CCDC171: variants seen among roughly 807,000 people sequenced by gnomAD.
The protein encoded by CCDC171 is coiled-coil domain-containing protein 171.
Under a neutral mutation model 168.2 loss-of-function variants are expected in CCDC171, and 177 were observed. That is an observed-to-expected ratio of 1.05 (90% CI 0.93 to 1.19). The LOEUF is 1.19. Ranked by LOEUF, CCDC171 falls within the 50% of genes most tolerant of loss-of-function variation. CCDC171 has a pLI of 0.00. For synonymous variants in CCDC171, 687 were observed against 540.8 expected (o/e 1.27, Z -3.75); for missense variants, 1,991 against 1,539.0 (o/e 1.29, Z -4.91).
At chr9:16,053,326 A>G (rs1833781799) in intron 1 of CCDC171, among the ~76,000 whole-genome samples, 1 of 152,162 alleles carries the variant, frequency 6.6e-6, no homozygotes, top group African/African-American at 2.4e-5. Flanking sequence ...AACTTGCAAC[A>G]TTTTCCACCT....
Position 15,779,170 on chromosome 9 carries a change from G to A in CCDC171, c.3081+20G>A. On this transcript the variant is annotated intron_variant, in intron 20 of 25. Transcript: ENST00000380701. ...CAGTCTGTAAGTATATATCATTTAG[G>A]AAACTGTTGCTTTGCTGATATATAT... 2.9e-6 allele frequency: 4 copies of A among 1,394,032 alleles called. No individual in the cohort carries two copies. Among genetic ancestry groups the A allele is most frequent in the Non-Finnish European group, 3.8e-6 (4 of 1,049,210 alleles). 86.4% of individuals were successfully genotyped at this position (1,394,032 alleles called of 1,614,324 possible). A position where few individuals can be genotyped will look rare whatever the true frequency, so the allele number is the denominator to read the frequency against.
chr9:15,925,147 A>G (rs368549308), intron 25 of CCDC171, among the ~76,000 whole-genome samples: 3 of 151,692 alleles, frequency 2.0e-5, no homozygotes, highest in Non-Finnish European at 4.4e-5. Context: ...ATCACACTAA[A>G]TAATGTGTAA....
At chr9:15,910,172 G>GCACA (rs60923477) in intron 24 of CCDC171, among the ~76,000 whole-genome samples, 74 of 150,918 alleles carry the variant, frequency 4.9e-4, no homozygotes, top group Middle Eastern at 3.4e-3. Context: ...GTATATATGT[G>GCACA]CACACACACA....
Position 15,833,103 on chromosome 9 carries a change from TC to T in CCDC171, c.3268-13598del, listed in dbSNP as rs1238434185. ...CTCTGGTTCAAGTGATTCTCCTGCC[TC>T]AGCCTCCTGAGTAGCTGGGATTACA... On this transcript the variant is annotated intron_variant, in intron 21 of 25. Transcript: ENST00000380701. Among the ~76,000 whole-genome samples the T allele has an allele frequency of 2.0e-5, 3 of 150,360 alleles. No individual in the cohort carries two copies. In the East Asian group the frequency reaches 6.0e-4, roughly 30 times the overall value.
At chr9:15,691,649 T>C (rs888882624) in intron 10 of CCDC171, among the ~76,000 whole-genome samples, 4 of 150,560 alleles carry the variant, frequency 2.7e-5, no homozygotes, top group Non-Finnish European at 4.4e-5. Flanking sequence ...GAATATATTT[T>C]ATTTAGACTT....
chr9:15,684,923 A>G lies in CCDC171; in HGVS notation c.1215+6027A>G, dbSNP rs1388444413. ...GTAGATTCATCACAGCATTTAAAGT[A>G]GTCCGTGGGTCATGTTGGGTGATGA... is the stretch of plus-strand genomic sequence containing the variant. On this transcript the variant is annotated intron_variant, in intron 10 of 25. Transcript: ENST00000380701. 2.6e-5 allele frequency among the ~76,000 whole-genome samples: 4 copies of G among 152,214 alleles called. No individual in the cohort carries two copies. The South Asian group carries it at 8.3e-4, about 32-fold the overall frequency.
intron 3 of CCDC171, among the ~76,000 whole-genome samples, chr9:16,009,958 T>A (rs1192574578): frequency 6.6e-6 from 1 of 152,204 alleles, no homozygotes; most frequent in African/African-American, 2.4e-5. Flanking sequence ...AATGTTCTTT[T>A]TATTCCAAAA....
chr9:15,664,845 C>T (rs942975987), intron 8 of CCDC171, among the ~76,000 whole-genome samples: 7 of 151,578 alleles, frequency 4.6e-5, no homozygotes, highest in Non-Finnish European at 2.9e-5. Context: ...ATTACAGGCA[C>T]GCACCACCAC....
chr9:16,016,281 T>G (rs1487517901), intron 3 of CCDC171, among the ~76,000 whole-genome samples: 1 of 152,108 alleles, frequency 6.6e-6, no homozygotes, highest in Non-Finnish European at 1.5e-5. Context: ...CAAATCCCCT[T>G]CTAGATAGAA....
chr9:16,080,102 G>A, the CCDC171 span, among the ~76,000 whole-genome samples: 1 of 152,132 alleles, frequency 6.6e-6, no homozygotes, highest in Non-Finnish European at 1.5e-5. Context: ...CTGCTCTATA[G>A]GATGGCCTCT....
At chr9:16,027,405 G>A (rs996910885) in intron 6 of CCDC171, among the ~76,000 whole-genome samples, 1 of 152,102 alleles carries the variant, frequency 6.6e-6, no homozygotes, top group Non-Finnish European at 1.5e-5. Flanking sequence ...CACTGATACA[G>A]CTGGGTGGAG....
chr9:15,764,081 A>G (rs2056594952), intron 18 of CCDC171, among the ~76,000 whole-genome samples: 1 of 152,162 alleles, frequency 6.6e-6, no homozygotes, highest in South Asian at 2.1e-4. Flanking sequence ...AGTGTGCTTG[A>G]TATTTTTAGG....
intron 24 of CCDC171, among the ~76,000 whole-genome samples, chr9:15,919,607 A>T (rs994269886): frequency 2.0e-5 from 3 of 151,628 alleles, no homozygotes; most frequent in African/African-American, 7.2e-5. Flanking sequence ...TAGAAGAAAA[A>T]TTCTATAAAA....
intron 24 of CCDC171, among the ~76,000 whole-genome samples, chr9:15,893,940 G>A (rs1820545139): frequency 6.6e-6 from 1 of 152,066 alleles, no homozygotes; most frequent in Admixed American, 6.6e-5. Context: ...TACCAAAGAT[G>A]TATAAATAAA....
intron 21 of CCDC171, among the ~76,000 whole-genome samples, chr9:15,836,928 TTTCATTATATAATGTATAGAAATAA>T (rs1390800814): frequency 1.3e-5 from 2 of 152,232 alleles, no homozygotes; most frequent in Non-Finnish European, 2.9e-5. Flanking sequence ...AACTTATCTT[TTTCATTATATAATGTATAGAAATAA>T]TTAATCTTCT....
At chr9:16,030,226 G>A (rs1462360074) in intron 6 of CCDC171, among the ~76,000 whole-genome samples, 1 of 152,022 alleles carries the variant, frequency 6.6e-6, no homozygotes, top group East Asian at 1.9e-4. Context: ...ACAGCAGACT[G>A]GTAATTTCAG....
At chr9:15,656,321 CAAA>C (rs1163329115) in intron 7 of CCDC171, among the ~76,000 whole-genome samples, 1 of 89,836 alleles carries the variant, frequency 1.1e-5, no homozygotes. Context: ...GACTCCGTCT[CAAA>C]AAAAAAAAAA....
Position 16,055,039 on chromosome 9 carries a change from G to A in CCDC171, n.90-5607G>A, listed in dbSNP as rs564149510. Reference sequence around the variant, plus strand: ...CAGGTGAGAGGGGGCAGTGGCTGTCGGGCTGGTGGAGGTGGGAAGGTAGGA... The same window carrying A: ...CAGGTGAGAGGGGGCAGTGGCTGTCAGGCTGGTGGAGGTGGGAAGGTAGGA... On this transcript the variant is annotated intron_variant and non_coding_transcript_variant, in intron 1 of 1. Coordinates refer to the CCDC171 transcript ENST00000478913. Among the ~76,000 whole-genome samples, 8 of 152,280 alleles carry A rather than the reference G, an allele frequency of 5.3e-5. No individual in the cohort carries two copies. In the East Asian group the frequency reaches 7.7e-4, roughly 15 times the overall value.
chr9:15,600,790 C>T lies in CCDC171; in HGVS notation c.675+6618C>T, dbSNP rs778073360. Among the ~76,000 whole-genome samples the T allele has an allele frequency of 2.9e-4, 44 of 152,180 alleles. 1 individual carries two copies. Among genetic ancestry groups the T allele is most frequent in the Non-Finnish European group, 5.3e-4 (36 of 68,022 alleles). On this transcript the variant is annotated intron_variant, in intron 6 of 25. Transcript: ENST00000380701. ...GAGCTGCGGTGGGCTCCACCCATTT[C>T]GAGCTTCCCGGCCACTTTGTTTACC...
Sources: allele counts gnomAD v4.1 joint callset (sites outside exome capture counted in the v4.1 genomes callset), GRCh38; gene constraint gnomAD v4.1.1; transcripts MANE v1.5; gene names NCBI Gene and HGNC (gene_info 2026-07-23, HGNC 2026-07-21).